Variants in DCAF8L2 observed in about 807,000 individuals in gnomAD.
The protein encoded by DCAF8L2 is DDB1 and CUL4 associated factor 8 like 2, also known as DDB1- and CUL4-associated factor 8-like protein 2.
For synonymous variants in DCAF8L2, 200 were observed against 190.9 expected (o/e 1.05, Z -0.39); for missense variants, 430 against 490.7 (o/e 0.88, Z 1.17).
intron 3 of DCAF8L2, among the ~76,000 whole-genome samples, chrX:27,708,980 C>T (rs1271740141): frequency 1.8e-5 from 2 of 112,278 alleles, no homozygotes; most frequent in South Asian, 7.3e-4. Context: ...AGTGCAATGG[C>T]GTGATCTCGG....
At chrX:27,673,057 A>C (rs746887035) in intron 2 of DCAF8L2, among the ~76,000 whole-genome samples, 1 of 110,939 alleles carries the variant, frequency 9.0e-6, no homozygotes, top group Admixed American at 9.7e-5. Context: ...CCACACACAT[A>C]CACACACACA....
the DCAF8L2 span, among the ~76,000 whole-genome samples, chrX:27,584,277 G>GA: frequency 9.1e-6 from 1 of 110,327 alleles, no homozygotes; most frequent in Non-Finnish European, 1.9e-5. Context: ...TCACCAAACA[G>GA]AAAATCAAGT....
chrX:27,748,180 G>T lies in DCAF8L2; in HGVS notation c.1285G>T (p.Val429Leu). 1 of 1,212,105 alleles carries T rather than the reference G, an allele frequency of 8.3e-7. No homozygotes were observed. Among genetic ancestry groups the T allele is most frequent in the Non-Finnish European group, 1.1e-6 (1 of 895,632 alleles). ...TTTCCCAACAAACATCACCTGCGTT[G>T]TGTACAGCCACGATGGCACAGAGCT... ...CDFPTNITCVVYSHDGTELLA... is the reference protein window; with the variant it reads ...CDFPTNITCVLYSHDGTELLA... The change falls in exon 5 of 5, where the codon GTG (valine) becomes TTG (leucine). Residue 429 changes from valine to leucine, a missense_variant. Physicochemically the swap from Val to Leu is conservative, Grantham distance 32. Transcript: ENST00000451261.
At chrX:27,517,145 TA>T in the DCAF8L2 span, among the ~76,000 whole-genome samples, 2 of 111,806 alleles carry the variant, frequency 1.8e-5, no homozygotes, top group African/African-American at 6.5e-5. Flanking sequence ...AAATTTGGAT[TA>T]AAAAAACTAA....
At chrX:27,607,490 A>AAC (rs1335087085) in intron 1 of DCAF8L2, among the ~76,000 whole-genome samples, 2 of 111,766 alleles carry the variant, frequency 1.8e-5, no homozygotes, top group African/African-American at 6.5e-5. Context: ...TATTTTTCAT[A>AAC]GAGTCTTCTA....
At chrX:27,524,587 G>C in the DCAF8L2 span, among the ~76,000 whole-genome samples, 2 of 110,250 alleles carry the variant, frequency 1.8e-5, no homozygotes, top group Non-Finnish European at 3.8e-5. Flanking sequence ...GAATGTGTTT[G>C]CTCTTGCTTC....
At chrX:27,574,964 GGGCTTTCT>G in the DCAF8L2 span, among the ~76,000 whole-genome samples, 2 of 112,194 alleles carry the variant, frequency 1.8e-5, no homozygotes, top group African/African-American at 6.5e-5. Context: ...CAAGGACAGA[GGGCTTTCT>G]GTATCCTTGG....
At chrX:27,497,213 C>T in the DCAF8L2 span, among the ~76,000 whole-genome samples, 2 of 111,672 alleles carry the variant, frequency 1.8e-5, no homozygotes, top group Non-Finnish European at 3.8e-5. Flanking sequence ...TACACTCGCC[C>T]CTGCTGAAGT....
chrX:27,549,518 G>C, the DCAF8L2 span, among the ~76,000 whole-genome samples: 1 of 111,103 alleles, frequency 9.0e-6, no homozygotes, highest in Non-Finnish European at 1.9e-5. Context: ...AAAGATATTT[G>C]GCTTGATAAT....
intron 3 of DCAF8L2, among the ~76,000 whole-genome samples, chrX:27,683,792 C>T (rs767762069): frequency 7.1e-5 from 8 of 111,985 alleles, no homozygotes; most frequent in East Asian, 2.9e-4. Flanking sequence ...ATAACTCAGA[C>T]GTAACTTACT....
In DCAF8L2 at chrX:27,747,634, G is replaced by A. The variant is rs1357438919; in HGVS notation, c.739G>A (p.Gly247Ser). The change falls in exon 5 of 5, where the codon GGT becomes AGT. Residue 247 changes from glycine to serine, a missense_variant. Coordinates refer to ENST00000451261, the MANE Select transcript of DCAF8L2 (RefSeq NM_001353450.2). ...NQRGTRLASS[G>S]DDLKVIVWDW... ...GCGTGGCACCCGGCTGGCCAGTAGC[G>A]GTGATGACCTAAAGGTGATAGTGTG... is the stretch of plus-strand genomic sequence containing the variant. 3 of 1,208,042 alleles carry A rather than the reference G, an allele frequency of 2.5e-6. No homozygotes were observed. The highest frequency in any genetic ancestry group is 3.0e-5 in the East Asian group (1 of 33,725).
At chrX:27,514,686 AAAAAAAAAAC>A in the DCAF8L2 span, among the ~76,000 whole-genome samples, 5,696 of 87,651 alleles carry the variant, frequency 0.065, 590 homozygotes, top group East Asian at 0.15. Flanking sequence ...AAAAAAAAAA[AAAAAAAAAAC>A]AAAAAAAAAA....
At chrX:27,526,162 C>A in the DCAF8L2 span, among the ~76,000 whole-genome samples, 2 of 112,092 alleles carry the variant, frequency 1.8e-5, no homozygotes, top group African/African-American at 3.2e-5. Flanking sequence ...TTCAGGTACA[C>A]CAATCAGACA....
At chrX:27,550,248 A>G in the DCAF8L2 span, among the ~76,000 whole-genome samples, 1 of 111,960 alleles carries the variant, frequency 8.9e-6, no homozygotes, top group Non-Finnish European at 1.9e-5. Flanking sequence ...AAAACTTTTT[A>G]TTACTTTTAA....
chrX:27,520,204 C>T, the DCAF8L2 span, among the ~76,000 whole-genome samples: 4 of 111,481 alleles, frequency 3.6e-5, no homozygotes, highest in African/African-American at 9.7e-5. Context: ...TTAAAAGAGA[C>T]AACTTGATTT....
At chrX:27,501,356 C>T in the DCAF8L2 span, among the ~76,000 whole-genome samples, 96 of 109,132 alleles carry the variant, frequency 8.8e-4, 1 homozygote, top group South Asian at 2.4e-3. Flanking sequence ...ACTGGGTGAC[C>T]GATGGGTGAT....
chrX:27,525,717 A>G, the DCAF8L2 span, among the ~76,000 whole-genome samples: 118 of 111,659 alleles, frequency 1.1e-3, 1 homozygote, highest in African/African-American at 3.8e-3. Context: ...CCTACAGGGC[A>G]GGCCTGGTGG....
chrX:27,698,593 T>G (rs1453613438), intron 3 of DCAF8L2, among the ~76,000 whole-genome samples: 1 of 112,254 alleles, frequency 8.9e-6, no homozygotes, highest in Non-Finnish European at 1.9e-5. Flanking sequence ...ACTTGGGCCC[T>G]TGAGCCTTGG....
intron 1 of DCAF8L2, among the ~76,000 whole-genome samples, chrX:27,593,414 T>C (rs1192912421): frequency 8.9e-6 from 1 of 112,475 alleles, no homozygotes; most frequent in Non-Finnish European, 1.9e-5. Flanking sequence ...CCTTCCTTTT[T>C]CAAGGCAGAA....
Sources: allele counts gnomAD v4.1 joint callset (sites outside exome capture counted in the v4.1 genomes callset), GRCh38; gene constraint gnomAD v4.1.1; transcripts MANE v1.5; gene names NCBI Gene and HGNC (gene_info 2026-07-23, HGNC 2026-07-21).